Variants in APPL2 observed in about 807,000 individuals in gnomAD.
APPL2 encodes adaptor protein, phosphotyrosine interacting with PH domain and leucine zipper 2.
A neutral mutation model predicts 92.7 loss-of-function variants in APPL2; 84 were observed. The ratio of observed to expected loss-of-function variants is 0.91; its 90% CI spans 0.76 to 1.09. The LOEUF (loss-of-function observed/expected upper bound fraction) is 1.09. Ranked by LOEUF, APPL2 falls within the 50% of genes least tolerant of loss-of-function variation. APPL2 has a pLI of 0.00. For synonymous variants in APPL2, 291 were observed against 291.0 expected (o/e 1.00, Z 0.00); for missense variants, 736 against 824.5 (o/e 0.89, Z 1.31).
At chr12:105,235,813 C>T (rs757579529) in intron 1 of APPL2, 146 bp downstream of exon 1, 162 of 534,508 alleles carry the variant, frequency 3.0e-4, no homozygotes, top group Non-Finnish European at 3.6e-4. Flanking sequence ...CTCCTCAGCC[C>T]GAGAGAACCC....
In APPL2 at chr12:105,176,018, G is replaced by A. The variant is rs1885507770; in HGVS notation, c.1860+17C>T. 5.1e-6 allele frequency: 8 copies of A among 1,568,716 alleles called. No individual in the cohort carries two copies. The highest frequency in any genetic ancestry group is 1.4e-5 in the African/African-American group (1 of 71,848). On this transcript the variant is annotated intron_variant, in intron 20 of 20. Transcript: ENST00000258530. ...TGTTTTGAGTAGCTACTAAACCAGC[G>A]CTAGAATGCATCTTACCTTCTGAAC...
intron 11 of APPL2, among the ~76,000 whole-genome samples, chr12:105,196,742 A>G (rs576908093): frequency 6.6e-6 from 1 of 152,250 alleles, no homozygotes; most frequent in Non-Finnish European, 1.5e-5. Context: ...TACCCAGCCG[A>G]GGCTTTAACT....
chr12:105,192,913 T>C (rs1017221732), intron 14 of APPL2, among the ~76,000 whole-genome samples: 1 of 152,258 alleles, frequency 6.6e-6, no homozygotes, highest in Non-Finnish European at 1.5e-5. Context: ...TGGTACTTGC[T>C]TAGAAGTAAA....
chr12:105,211,229 C>T lies in APPL2; in HGVS notation c.373+1G>A. On this transcript the variant is annotated splice_donor_variant, in intron 5 of 20. Coordinates refer to ENST00000258530, the MANE Select transcript of APPL2 (RefSeq NM_018171.5). LOFTEE classifies it high-confidence loss of function. ...ACTGGCATTGAACTCAGTTACTTTA[C>T]CTGTGAGATCCTTTTCTCGGAATTG... 6.2e-7 allele frequency: 1 copy of T among 1,607,532 alleles called. No individual in the cohort carries two copies. The highest frequency in any genetic ancestry group is 8.5e-7 in the Non-Finnish European group (1 of 1,174,142).
intron 2 of APPL2, among the ~76,000 whole-genome samples, chr12:105,227,429 T>C (rs531679532): frequency 3.9e-5 from 6 of 152,312 alleles, no homozygotes; most frequent in Admixed American, 1.3e-4. Context: ...TCAAAATCAG[T>C]GTTTCCAGAG....
intron 1 of APPL2, chr12:105,233,313 A>T (rs1028895805): frequency 1.5e-5 from 15 of 985,368 alleles, no homozygotes; most frequent in Admixed American, 6.1e-5. Flanking sequence ...ACAACAATGG[A>T]GGCAGATTTC....
chr12:105,214,754 CT>C (rs71069797), intron 4 of APPL2, among the ~76,000 whole-genome samples: 27,281 of 152,134 alleles, frequency 0.18, 2,602 homozygotes, highest in East Asian at 0.25. Context: ...GATGAGGCAA[CT>C]CCTGGTGGCC....
At chr12:105,234,187 A>G (rs900432978) in intron 1 of APPL2, among the ~76,000 whole-genome samples, 2 of 152,242 alleles carry the variant, frequency 1.3e-5, no homozygotes, top group Non-Finnish European at 2.9e-5. Context: ...AAGAATGATA[A>G]TATCTCTAAA....
chr12:105,194,036 C>T (rs1295247405), intron 14 of APPL2, among the ~76,000 whole-genome samples: 2 of 152,180 alleles, frequency 1.3e-5, no homozygotes, highest in African/African-American at 2.4e-5. Flanking sequence ...TGAACGCTGG[C>T]TCCACACTGC....
intron 2 of APPL2, among the ~76,000 whole-genome samples, chr12:105,223,709 G>A (rs113559530): frequency 3.9e-5 from 6 of 152,162 alleles, no homozygotes; most frequent in Non-Finnish European, 8.8e-5. Context: ...AGGATGAGAG[G>A]ACTAAACTTC....
intron 17 of APPL2, among the ~76,000 whole-genome samples, chr12:105,185,468 C>T (rs76745718): frequency 0.014 from 2,200 of 152,130 alleles, 24 homozygotes; most frequent in Non-Finnish European, 0.023. Flanking sequence ...ATAGGTCTGT[C>T]CCTCACTCAC....
At chr12:105,181,614 TATTA>T (rs1886123892) in intron 17 of APPL2, among the ~76,000 whole-genome samples, 1 of 152,204 alleles carries the variant, frequency 6.6e-6, no homozygotes, top group Non-Finnish European at 1.5e-5. Flanking sequence ...GTTGGTAGGC[TATTA>T]ATTATTGCCT....
In APPL2 at chr12:105,174,284, G is replaced by A; in HGVS notation, c.*30C>T. 6.2e-7 allele frequency: 1 copy of A among 1,610,994 alleles called. No homozygotes were observed. Among genetic ancestry groups the A allele is most frequent in the Non-Finnish European group, 8.5e-7 (1 of 1,178,570 alleles). On this transcript the variant is annotated 3_prime_UTR_variant, in exon 21 of 21. Transcript: ENST00000258530. ...CCCTTAGGAGGTAGCTCTCCTTCCTGTTTGCTCTTCCCCCACAGGCGCAAG... is the reference window on the plus strand; with the variant it reads ...CCCTTAGGAGGTAGCTCTCCTTCCTATTTGCTCTTCCCCCACAGGCGCAAG...
At position 105,207,447 on chromosome 12, in the gene APPL2, G is replaced by A. The variant is rs553616390; in HGVS notation, c.475-240C>T. Among the ~76,000 whole-genome samples, 3 of 152,320 alleles carry A rather than the reference G, an allele frequency of 2.0e-5. No individual in the cohort carries two copies. The East Asian group carries it at 5.8e-4, about 29-fold the overall frequency. ...AAGCCTGTACCCTCCTGGGAGCAGT[G>A]CAAAGTCCTACAGTCCTTCAGGATA... On this transcript the variant is annotated intron_variant, in intron 7 of 20. Coordinates refer to ENST00000258530, the MANE Select transcript of APPL2 (RefSeq NM_018171.5).
At chr12:105,181,086 C>T (rs947857714) in intron 17 of APPL2, among the ~76,000 whole-genome samples, 44 of 152,216 alleles carry the variant, frequency 2.9e-4, no homozygotes, top group African/African-American at 1.0e-3. Flanking sequence ...CAGTATGATA[C>T]TGGCTGTGAG....
intron 5 of APPL2, among the ~76,000 whole-genome samples, chr12:105,209,151 T>G (rs761999116): frequency 6.6e-6 from 1 of 152,132 alleles, no homozygotes; most frequent in South Asian, 2.1e-4. Flanking sequence ...TTCCTTAATA[T>G]CTCTTGCGTT....
chr12:105,207,000 C>A (rs1280061235), intron 8 of APPL2, 61 bp downstream of exon 8: 5 of 1,566,174 alleles, frequency 3.2e-6, no homozygotes, highest in Admixed American at 2.0e-5. Context: ...CTCCTGCGTG[C>A]CCTCTCAGCA....
At chr12:105,181,091 TGTGA>T (rs1426287172) in intron 17 of APPL2, among the ~76,000 whole-genome samples, 20 of 152,366 alleles carry the variant, frequency 1.3e-4, no homozygotes, top group Non-Finnish European at 1.0e-4. Flanking sequence ...TGATACTGGC[TGTGA>T]GTTTGTCATA....
chr12:105,203,587 G>T, intron 9 of APPL2, 116 bp downstream of exon 9: 3 of 883,360 alleles, frequency 3.4e-6, no homozygotes, highest in Non-Finnish European at 5.5e-6. Flanking sequence ...TTTCTGGGGT[G>T]GACAGAGGCT....
Sources: allele counts gnomAD v4.1 joint callset (sites outside exome capture counted in the v4.1 genomes callset), GRCh38; gene constraint gnomAD v4.1.1; transcripts MANE v1.5; gene names NCBI Gene and HGNC (gene_info 2026-07-23, HGNC 2026-07-21).